The following BCAR1 variants were observed in gnomAD, a reference collection of about 807,000 sequenced individuals.
BCAR1 encodes breast cancer anti-estrogen resistance protein 1.
Under a neutral mutation model 67.6 loss-of-function variants are expected in BCAR1, and 30 were observed. The observed-to-expected ratio is 0.44, with a 90% CI of 0.33 to 0.60. The LOEUF (loss-of-function observed/expected upper bound fraction) is 0.60. Ranked by LOEUF, BCAR1 falls within the 20% of genes least tolerant of loss-of-function variation. The pLI is 0.02. For synonymous variants in BCAR1, 626 were observed against 556.7 expected (o/e 1.12, Z -1.75); for missense variants, 1,313 against 1,222.3 (o/e 1.07, Z -1.11).
At chr16:75,263,218 C>A (rs1340661504) in intron 1 of BCAR1, 18 of 983,632 alleles carry the variant, frequency 1.8e-5, no homozygotes, top group Non-Finnish European at 2.2e-5. Context: ...AGCAGGGAGG[C>A]CTCTCTGCAG....
chr16:75,237,540 G>A (rs1044779955), intron 2 of BCAR1, 196 bp from the exon 3 acceptor site: 7 of 614,406 alleles, frequency 1.1e-5, no homozygotes, highest in East Asian at 3.4e-5. Flanking sequence ...TGCCAGGTAC[G>A]GCAAGAACTC....
chr16:75,252,862 G>C (rs1015765192), upstream of BCAR1, among the ~76,000 whole-genome samples: 4 of 152,188 alleles, frequency 2.6e-5, no homozygotes, highest in African/African-American at 9.7e-5. Context: ...TTTCTCATCT[G>C]AAAAGGGGCT....
intron 1 of BCAR1, chr16:75,267,890 G>A (rs776181809): frequency 6.3e-7 from 1 of 1,587,258 alleles, no homozygotes; most frequent in Non-Finnish European, 8.6e-7. Flanking sequence ...GGAGAGAGGG[G>A]ACCCTGGCTA....
upstream of BCAR1, chr16:75,256,195 T>C (rs955468675): frequency 3.9e-5 from 6 of 152,392 alleles, no homozygotes; most frequent in Admixed American, 1.3e-4. Context: ...CCAGCAGAGC[T>C]CGCACCTTCC....
At chr16:75,245,059 C>CA (rs2077472435) in intron 1 of BCAR1, among the ~76,000 whole-genome samples, 1 of 152,218 alleles carries the variant, frequency 6.6e-6, no homozygotes, top group Non-Finnish European at 1.5e-5. Context: ...CAGGACGGGA[C>CA]AGGCAGTGCG....
In BCAR1 at chr16:75,238,916, G is replaced by C. The variant is rs560764853; in HGVS notation, c.634-1572C>G. 4.1e-6 allele frequency: 4 copies of C among 985,274 alleles called. No individual in the cohort carries two copies. In the African/African-American group the frequency reaches 5.2e-5, roughly 13 times the overall value. 61.0% of individuals were successfully genotyped at this position (985,274 alleles called of 1,614,324 possible). Reference sequence around the variant, plus strand: ...AAGGCAGGTGGGGACCCAGCCTCAAGGCTCAGCCAGGACCCAGCACCAGCA... The same window carrying C: ...AAGGCAGGTGGGGACCCAGCCTCAACGCTCAGCCAGGACCCAGCACCAGCA... On this transcript the variant is annotated intron_variant, in intron 2 of 6. Transcript: ENST00000162330.
intron 1 of BCAR1, among the ~76,000 whole-genome samples, chr16:75,259,057 A>C (rs2077840469): frequency 6.6e-6 from 1 of 152,230 alleles, no homozygotes; most frequent in Admixed American, 6.5e-5. Context: ...TGGAGTGGTC[A>C]CAGGCCCTGG....
intron 1 of BCAR1, chr16:75,263,200 GAACA>G (rs2077942526): frequency 1.0e-6 from 1 of 985,290 alleles, no homozygotes; most frequent in South Asian, 4.7e-5. Flanking sequence ...GCAAGAAGCA[GAACA>G]GACAGCAGGG....
chr16:75,251,000 T>G (rs1353072243), intron 1 of BCAR1: 1 of 985,398 alleles, frequency 1.0e-6, no homozygotes, highest in East Asian at 1.1e-4. Context: ...CGCCACGCAC[T>G]TGCCCGCCCG....
chr16:75,265,984 G>C (rs1381879047), intron 1 of BCAR1: 8 of 1,050,152 alleles, frequency 7.6e-6, no homozygotes, highest in East Asian at 7.9e-5. Flanking sequence ...CGGACTGTCC[G>C]GCCGCTCCAG....
At chr16:75,243,742 CGA>C (rs2077428948) in intron 1 of BCAR1, among the ~76,000 whole-genome samples, 1 of 152,190 alleles carries the variant, frequency 6.6e-6, no homozygotes, top group Admixed American at 6.5e-5. Context: ...CCAAGCAGTC[CGA>C]GAGGGACTTG....
chr16:75,266,937 C>A (rs979732148), intron 1 of BCAR1: 1 of 270,584 alleles, frequency 3.7e-6, no homozygotes, highest in Non-Finnish European at 5.6e-6. Flanking sequence ...CCTAGGGAAT[C>A]TCTGTGTGGG....
At chr16:75,230,173 G>GTCCCC in intron 6 of BCAR1, 150 bp from the exon 7 acceptor site, 3 of 984,336 alleles carry the variant, frequency 3.0e-6, no homozygotes, top group Non-Finnish European at 4.2e-6. Context: ...CTCCTCTCCC[G>GTCCCC]GGGACGGGAC....
At chr16:75,257,032 G>T (rs1014261801) in intron 1 of BCAR1, among the ~76,000 whole-genome samples, 1 of 152,210 alleles carries the variant, frequency 6.6e-6, no homozygotes, top group African/African-American at 2.4e-5. Context: ...GAAGAGAGGG[G>T]CTCAGTCCTG....
At chr16:75,236,229 G>A (rs1313474749) in intron 4 of BCAR1, 2 of 560,328 alleles carry the variant, frequency 3.6e-6, no homozygotes, top group East Asian at 3.2e-5. Context: ...GACAGCTCTG[G>A]GACGAGCCGG....
intron 2 of BCAR1, among the ~76,000 whole-genome samples, chr16:75,239,760 C>G (rs1440478549): frequency 6.6e-6 from 1 of 152,164 alleles, no homozygotes; most frequent in African/African-American, 2.4e-5. Flanking sequence ...GAGGGGCCAC[C>G]ACCATAGCCC....
chr16:75,231,528 A>G (rs1245418613), intron 6 of BCAR1, among the ~76,000 whole-genome samples: 1 of 152,252 alleles, frequency 6.6e-6, no homozygotes, highest in Non-Finnish European at 1.5e-5. Context: ...GGGGCAACAG[A>G]TGTTCTCATC....
chr16:75,231,706 G>T (rs1470804432), intron 6 of BCAR1, among the ~76,000 whole-genome samples: 1 of 152,200 alleles, frequency 6.6e-6, no homozygotes, highest in Non-Finnish European at 1.5e-5. Context: ...TCACAGCACT[G>T]TTCACAAAAG....
chr16:75,232,721 T>G (rs1214346529), intron 6 of BCAR1, among the ~76,000 whole-genome samples: 1 of 152,156 alleles, frequency 6.6e-6, no homozygotes, highest in East Asian at 1.9e-4. Flanking sequence ...GAGATGTCAA[T>G]GTCTAGCCTC....
Sources: gnomAD v4.1 joint callset for allele counts (sites outside exome capture counted in the v4.1 genomes callset) on GRCh38, gnomAD v4.1.1 for gene constraint, MANE v1.5 for transcripts, NCBI Gene and HGNC (gene_info 2026-07-23, HGNC 2026-07-21) for gene names.